The following FTCDNL1 variants were observed in gnomAD, a reference collection of about 807,000 sequenced individuals.
The protein encoded by FTCDNL1 is formiminotransferase N-terminal subdomain-containing protein.
In FTCDNL1, 11 loss-of-function variants were observed where a neutral mutation model predicts 5.9. The observed-to-expected ratio is 1.87, with a 90% CI of 1.18 to 3.10. The LOEUF (loss-of-function observed/expected upper bound fraction) is 3.10. FTCDNL1 is among the 30% of genes most tolerant of loss of function. The pLI, the probability that FTCDNL1 is intolerant of heterozygous loss-of-function variation, is 0.00. For synonymous variants in FTCDNL1, 58 were observed against 24.8 expected (o/e 2.34, Z -3.99); for missense variants, 115 against 65.5 (o/e 1.76, Z -2.61).
the FTCDNL1 span, among the ~76,000 whole-genome samples, chr2:199,684,673 G>T: frequency 6.6e-6 from 1 of 152,098 alleles, no homozygotes; most frequent in East Asian, 1.9e-4. Flanking sequence ...GCATAAGAAC[G>T]TTTTTATTAA....
At chr2:199,736,411 T>G in the FTCDNL1 span, among the ~76,000 whole-genome samples, 26 of 152,332 alleles carry the variant, frequency 1.7e-4, no homozygotes, top group African/African-American at 6.3e-4. Context: ...TCCAGAGTTA[T>G]GGGGGATGCC....
At chr2:199,699,371 C>A in the FTCDNL1 span, among the ~76,000 whole-genome samples, 1 of 152,010 alleles carries the variant, frequency 6.6e-6, no homozygotes, top group Non-Finnish European at 1.5e-5. Context: ...GGGGGCTCAC[C>A]TATGCCTGGG....
the FTCDNL1 span, among the ~76,000 whole-genome samples, chr2:199,668,733 T>A: frequency 1.3e-5 from 2 of 152,164 alleles, no homozygotes; most frequent in African/African-American, 4.8e-5. Flanking sequence ...TCTGAAGTAG[T>A]CGTGAGTAAC....
At chr2:199,708,309 T>A in the FTCDNL1 span, among the ~76,000 whole-genome samples, 3 of 151,960 alleles carry the variant, frequency 2.0e-5, no homozygotes, top group African/African-American at 4.8e-5. Flanking sequence ...TTCCTCACCA[T>A]GCATATTTTT....
intron 3 of FTCDNL1, among the ~76,000 whole-genome samples, chr2:199,845,057 A>AT (rs548715024): frequency 1.7e-4 from 25 of 149,382 alleles, no homozygotes; most frequent in South Asian, 4.2e-4. Context: ...AAACACGTAA[A>AT]TTTTTTTTTT....
the FTCDNL1 span, among the ~76,000 whole-genome samples, chr2:199,727,548 G>A: frequency 6.6e-6 from 1 of 152,154 alleles, no homozygotes; most frequent in Non-Finnish European, 1.5e-5. Context: ...CTCCCAGCTG[G>A]GTAGTTGTTC....
chr2:199,723,924 C>T, the FTCDNL1 span, among the ~76,000 whole-genome samples: 1 of 152,118 alleles, frequency 6.6e-6, no homozygotes, highest in Non-Finnish European at 1.5e-5. Context: ...GGAGTCCCTC[C>T]TTTTCAATTG....
chr2:199,823,833 A>C (rs934358059), intron 3 of FTCDNL1, among the ~76,000 whole-genome samples: 3 of 152,178 alleles, frequency 2.0e-5, no homozygotes, highest in Admixed American at 2.0e-4. Context: ...CATCAGTTGC[A>C]TTTGCCCCTA....
At chr2:199,776,956 ATATGTGTGTG>A (rs1251238333) in intron 3 of FTCDNL1, among the ~76,000 whole-genome samples, 1 of 110,172 alleles carries the variant, frequency 9.1e-6, no homozygotes. Context: ...AGATGTGTGT[ATATGTGTGTG>A]TGTGTGTGTG....
rs1284535049 is a variant in FTCDNL1, at chr2:199,799,009, G to A, written c.212-38174C>T. ...GAGGAAATCTTGTGGAAAGAAGAGA[G>A]ATATTTGTAACAGCTGAAAGGAAAT... On this transcript the variant is annotated intron_variant, in intron 3 of 3. Coordinates refer to the FTCDNL1 transcript ENST00000416668. Among the ~76,000 whole-genome samples, 3 of 152,318 alleles carry A rather than the reference G, an allele frequency of 2.0e-5. No homozygotes were observed. The East Asian group carries it at 5.8e-4, about 29-fold the overall frequency.
chr2:199,704,515 A>G, the FTCDNL1 span, among the ~76,000 whole-genome samples: 1 of 152,192 alleles, frequency 6.6e-6, no homozygotes, highest in East Asian at 1.9e-4. Context: ...AAATGCTGAA[A>G]AGTGTGGTGG....
At chr2:199,814,993 G>A (rs1356964051) in intron 4 of FTCDNL1, among the ~76,000 whole-genome samples, 1 of 152,026 alleles carries the variant, frequency 6.6e-6, no homozygotes, top group Non-Finnish European at 1.5e-5. Flanking sequence ...GACTCCTAGG[G>A]CATCATATGA....
rs546706667 is a variant in FTCDNL1 at position 199,798,297 on chromosome 2, A to G, written c.212-37462T>C. Reference sequence around the variant, plus strand: ...ATTTATTTAGCAAAGGTTTTCTGAGACCAGGTATTGGAATTACCAAGTGGA... The same window carrying G: ...ATTTATTTAGCAAAGGTTTTCTGAGGCCAGGTATTGGAATTACCAAGTGGA... On this transcript the variant is annotated intron_variant, in intron 3 of 3. Coordinates refer to the FTCDNL1 transcript ENST00000416668. Among the ~76,000 whole-genome samples, 5 of 152,358 alleles carry G rather than the reference A, an allele frequency of 3.3e-5. No homozygotes were observed. The South Asian group carries it at 1.0e-3, about 32-fold the overall frequency.
the FTCDNL1 span, among the ~76,000 whole-genome samples, chr2:199,723,745 C>G: frequency 1.3e-5 from 2 of 152,094 alleles, no homozygotes; most frequent in African/African-American, 4.8e-5. Flanking sequence ...AACTTGATTG[C>G]GGTGGATAAG....
At chr2:199,666,632 C>T in the FTCDNL1 span, among the ~76,000 whole-genome samples, 2 of 152,020 alleles carry the variant, frequency 1.3e-5, no homozygotes, top group African/African-American at 4.8e-5. Flanking sequence ...GATGTGATAC[C>T]TTGGTCCAGG....
At chr2:199,715,144 G>T in the FTCDNL1 span, among the ~76,000 whole-genome samples, 1 of 151,962 alleles carries the variant, frequency 6.6e-6, no homozygotes, top group Non-Finnish European at 1.5e-5. Flanking sequence ...AGCAGCCCTG[G>T]GTGCCTGCCT....
chr2:199,744,029 T>C, the FTCDNL1 span, among the ~76,000 whole-genome samples: 2 of 152,216 alleles, frequency 1.3e-5, no homozygotes, highest in Admixed American at 1.3e-4. Context: ...TGTATCATGA[T>C]TAATGTCACA....
At chr2:199,730,439 C>G in the FTCDNL1 span, among the ~76,000 whole-genome samples, 1 of 152,182 alleles carries the variant, frequency 6.6e-6, no homozygotes, top group South Asian at 2.1e-4. Context: ...TGCAATCTTT[C>G]CACCTGACAA....
chr2:199,766,498 C>A (rs1574449852), intron 3 of FTCDNL1, among the ~76,000 whole-genome samples: 1 of 152,092 alleles, frequency 6.6e-6, no homozygotes, highest in African/African-American at 2.4e-5. Context: ...ATTAAATGAG[C>A]AGAGTAGTTA....
Sources: gnomAD v4.1 joint callset for allele counts (sites outside exome capture counted in the v4.1 genomes callset) on GRCh38, gnomAD v4.1.1 for gene constraint, MANE v1.5 for transcripts, NCBI Gene and HGNC (gene_info 2026-07-23, HGNC 2026-07-21) for gene names.